The following NRXN1 variants were observed in gnomAD, a reference collection of about 807,000 sequenced individuals.
The protein encoded by NRXN1 is neurexin-1.
Under a neutral mutation model 150.9 loss-of-function variants are expected in NRXN1, and 39 were observed. The ratio of observed to expected loss-of-function variants is 0.26; its 90% CI spans 0.20 to 0.34. The LOEUF (loss-of-function observed/expected upper bound fraction) is 0.34. NRXN1 is among the 10% of genes least tolerant of loss of function. The pLI is 1.00. For synonymous variants in NRXN1, 924 were observed against 757.0 expected (o/e 1.22, Z -3.62); for missense variants, 1,815 against 1,949.9 (o/e 0.93, Z 1.30).
At chr2:50,786,343 C>T (rs1443618483) in intron 5 of NRXN1, among the ~76,000 whole-genome samples, 1 of 151,970 alleles carries the variant, frequency 6.6e-6, no homozygotes, top group African/African-American at 2.4e-5. Context: ...AGCAAATTGG[C>T]TTAGTTTAAA....
intron 18 of NRXN1, among the ~76,000 whole-genome samples, chr2:50,198,486 T>C (rs545096033): frequency 3.9e-4 from 59 of 152,266 alleles, no homozygotes; most frequent in Non-Finnish European, 6.8e-4. Flanking sequence ...TTCTGATTTT[T>C]CCCCAACCTC....
chr2:50,344,950 G>A (rs1408888525), intron 17 of NRXN1, among the ~76,000 whole-genome samples: 2 of 152,118 alleles, frequency 1.3e-5, no homozygotes, highest in African/African-American at 2.4e-5. Flanking sequence ...GCTTGCCTCC[G>A]TCCCTCAGGA....
intron 18 of NRXN1, among the ~76,000 whole-genome samples, chr2:50,189,896 A>G (rs772173065): frequency 1.3e-5 from 2 of 152,202 alleles, no homozygotes; most frequent in Non-Finnish European, 2.9e-5. Context: ...CAGTTTGCAC[A>G]TGGATGATAC....
chr2:50,786,622 G>C (rs1705155124), intron 5 of NRXN1, among the ~76,000 whole-genome samples: 1 of 152,130 alleles, frequency 6.6e-6, no homozygotes, highest in African/African-American at 2.4e-5. Context: ...TCTTCTACCT[G>C]CTTAAGGATA....
intron 8 of NRXN1, among the ~76,000 whole-genome samples, chr2:50,599,414 A>T (rs1000430199): frequency 3.3e-5 from 5 of 152,296 alleles, no homozygotes; most frequent in Middle Eastern, 3.4e-3. Flanking sequence ...TTGAAATCTG[A>T]CTTCTCGGTT....
At chr2:50,517,574 A>G (rs2105093249) in intron 12 of NRXN1, among the ~76,000 whole-genome samples, 1 of 152,256 alleles carries the variant, frequency 6.6e-6, no homozygotes, top group East Asian at 1.9e-4. Context: ...GAATTTGGTA[A>G]CCCCTACAGT....
chr2:50,787,896 T>G (rs1705361070), intron 5 of NRXN1, among the ~76,000 whole-genome samples: 1 of 151,882 alleles, frequency 6.6e-6, no homozygotes, highest in Non-Finnish European at 1.5e-5. Flanking sequence ...AATGGAGATC[T>G]CACCACTTCT....
At chr2:50,416,247 G>C (rs1298108394) in intron 17 of NRXN1, among the ~76,000 whole-genome samples, 3 of 152,204 alleles carry the variant, frequency 2.0e-5, no homozygotes, top group Admixed American at 6.5e-5. Context: ...AATGTTAATA[G>C]GGTAAGAAAG....
intron 21 of NRXN1, among the ~76,000 whole-genome samples, chr2:50,050,726 G>A (rs1015561220): frequency 6.6e-6 from 1 of 151,750 alleles, no homozygotes; most frequent in Admixed American, 6.6e-5. Context: ...TACGAATTAT[G>A]GAAAATTTTC....
At chr2:50,615,782 G>A (rs1019646832) in intron 8 of NRXN1, 4 of 152,124 alleles carry the variant, frequency 2.6e-5, no homozygotes, top group Non-Finnish European at 4.4e-5. Flanking sequence ...CAGACACCAT[G>A]ATTTCTCTTT....
chr2:50,156,397 G>T (rs1216905074), intron 18 of NRXN1, among the ~76,000 whole-genome samples: 2 of 151,844 alleles, frequency 1.3e-5, no homozygotes, highest in Non-Finnish European at 2.9e-5. Context: ...CCATTTAGTG[G>T]TTAAAGACTT....
At chr2:50,820,673 TAA>T (rs1669596942) in intron 5 of NRXN1, among the ~76,000 whole-genome samples, 1 of 152,134 alleles carries the variant, frequency 6.6e-6, no homozygotes, top group African/African-American at 2.4e-5. Context: ...CAGCAGTACC[TAA>T]AGTTTCCCAG....
At chr2:50,719,550 C>A (rs888854403) in intron 5 of NRXN1, among the ~76,000 whole-genome samples, 9 of 151,968 alleles carry the variant, frequency 5.9e-5, no homozygotes, top group Non-Finnish European at 1.2e-4. Flanking sequence ...GTGGCATACG[C>A]CTGTAATCCC....
Position 50,053,266 on chromosome 2 carries a change from C to T in NRXN1, c.4128+5G>A. 6.2e-7 allele frequency: 1 copy of T among 1,613,862 alleles called. No homozygotes were observed. Among genetic ancestry groups the T allele is most frequent in the Non-Finnish European group, 8.5e-7 (1 of 1,179,814 alleles). On this transcript the variant is annotated splice_donor_5th_base_variant and intron_variant, in intron 21 of 22. Coordinates refer to ENST00000401669, the MANE Select transcript of NRXN1 (RefSeq NM_001330078.2). ...AAAATGAAGGAATAAAATCCACAGG[C>T]TCACCTGGCTAATGGGTTCTTTTGT... is the stretch of plus-strand genomic sequence containing the variant.
chr2:50,674,701 A>G (rs945294271), intron 5 of NRXN1, among the ~76,000 whole-genome samples: 1 of 152,090 alleles, frequency 6.6e-6, no homozygotes, highest in Non-Finnish European at 1.5e-5. Flanking sequence ...GACAGTGGTA[A>G]AAGTTGAAAA....
intron 5 of NRXN1, among the ~76,000 whole-genome samples, chr2:50,777,163 C>A (rs1437212742): frequency 6.6e-6 from 1 of 151,852 alleles, no homozygotes; most frequent in Non-Finnish European, 1.5e-5. Context: ...GAGTAGAAAC[C>A]GAGCTAGTCT....
At chr2:50,176,242 A>G (rs2060348061) in intron 18 of NRXN1, among the ~76,000 whole-genome samples, 1 of 152,164 alleles carries the variant, frequency 6.6e-6, no homozygotes, top group Non-Finnish European at 1.5e-5. Context: ...TCTTATTGAA[A>G]TTTTTTAGCT....
chr2:50,316,036 T>A (rs142039971), intron 17 of NRXN1, among the ~76,000 whole-genome samples: 1 of 152,052 alleles, frequency 6.6e-6, no homozygotes, highest in Admixed American at 6.6e-5. Flanking sequence ...GTATGCCTGA[T>A]AATGCTTAAG....
At chr2:50,245,995 A>T (rs1294191748) in intron 17 of NRXN1, among the ~76,000 whole-genome samples, 1 of 151,974 alleles carries the variant, frequency 6.6e-6, no homozygotes, top group African/African-American at 2.4e-5. Flanking sequence ...ATAATTCACA[A>T]ATCAAGGTCT....
Sources: gnomAD v4.1 joint callset for allele counts (sites outside exome capture counted in the v4.1 genomes callset) on GRCh38, gnomAD v4.1.1 for gene constraint, MANE v1.5 for transcripts, NCBI Gene and HGNC (gene_info 2026-07-23, HGNC 2026-07-21) for gene names.